PTPRM: variants seen among roughly 807,000 people sequenced by gnomAD.
PTPRM encodes the protein receptor-type tyrosine-protein phosphatase mu.
PTPRM carries 47 observed loss-of-function variants against 186.7 expected under a neutral mutation model. The ratio of observed to expected loss-of-function variants is 0.25; its 90% CI spans 0.20 to 0.32. The LOEUF is 0.32. Ranked by LOEUF, PTPRM falls within the 10% of genes least tolerant of loss-of-function variation. The pLI is 1.00. For synonymous variants in PTPRM, 668 were observed against 674.9 expected (o/e 0.99, Z 0.16); for missense variants, 1,494 against 1,865.0 (o/e 0.80, Z 3.66).
chr18:8,176,241 A>C (rs2093479479), intron 14 of PTPRM, among the ~76,000 whole-genome samples: 1 of 152,194 alleles, frequency 6.6e-6, no homozygotes, highest in African/African-American at 2.4e-5. Context: ...ACAGTTAGAC[A>C]TAATATCGAA....
rs1365364776 is a variant in PTPRM at position 7,842,928 on chromosome 18, G to GTATA, written c.197-45177_197-45176insATAT. Among the ~76,000 whole-genome samples, 56 of 62,686 alleles carry GTATA rather than the reference G, an allele frequency of 8.9e-4. No homozygotes were observed. In the East Asian group the frequency reaches 9.2e-3, roughly 10 times the overall value. The allele number at this position is 62,686 out of a possible 152,430, so 41.1% of individuals were successfully genotyped here. On this transcript the variant is annotated intron_variant, in intron 2 of 32. Transcript: ENST00000580170. ...TTCTCATATGTGTGTGTGTGTGTGT[G>GTATA]TGTATATATATATATATATAGAGAG...
chr18:8,171,876 AAGT>A (rs1390898654), intron 14 of PTPRM, among the ~76,000 whole-genome samples: 1 of 152,180 alleles, frequency 6.6e-6, no homozygotes, highest in Admixed American at 6.5e-5. Context: ...AGGTTAGCCT[AAGT>A]GTTGGGGAAA....
chr18:7,726,220 G>C (rs2040546703), intron 1 of PTPRM, among the ~76,000 whole-genome samples: 1 of 152,116 alleles, frequency 6.6e-6, no homozygotes, highest in African/African-American at 2.4e-5. Context: ...TTGTGGATTT[G>C]AGTTACATTT....
chr18:7,852,684 C>CAA (rs199834792), intron 2 of PTPRM, among the ~76,000 whole-genome samples: 3 of 150,104 alleles, frequency 2.0e-5, no homozygotes, highest in African/African-American at 4.9e-5. Context: ...GACTCCCTCT[C>CAA]AAAAATAAAA....
intron 7 of PTPRM, among the ~76,000 whole-genome samples, chr18:8,047,630 C>T (rs1049946701): frequency 1.3e-5 from 2 of 152,036 alleles, no homozygotes; most frequent in African/African-American, 4.8e-5. Flanking sequence ...TCTGAGTCAC[C>T]TGGAGAGCTT....
intron 2 of PTPRM, among the ~76,000 whole-genome samples, chr18:7,777,264 G>T (rs2042633086): frequency 6.6e-6 from 1 of 152,146 alleles, no homozygotes; most frequent in Non-Finnish European, 1.5e-5. Context: ...TGCCCTGCTG[G>T]TCAAATCCAG....
At chr18:7,992,920 G>A (rs1410155537) in intron 7 of PTPRM, among the ~76,000 whole-genome samples, 1 of 151,876 alleles carries the variant, frequency 6.6e-6, no homozygotes, top group Non-Finnish European at 1.5e-5. Flanking sequence ...GTGAATGATG[G>A]CAGTAGTAGT....
At chr18:7,786,596 T>C (rs2043107102) in intron 2 of PTPRM, among the ~76,000 whole-genome samples, 1 of 152,236 alleles carries the variant, frequency 6.6e-6, no homozygotes, top group Non-Finnish European at 1.5e-5. Context: ...ATGAGGTTTC[T>C]GGTAGTCATC....
At chr18:7,744,036 AGAC>A (rs1279109823) in intron 1 of PTPRM, among the ~76,000 whole-genome samples, 1 of 152,222 alleles carries the variant, frequency 6.6e-6, no homozygotes, top group Non-Finnish European at 1.5e-5. Flanking sequence ...TTATTTGGAC[AGAC>A]TGGGGAAAGC....
chr18:8,353,813 C>A (rs2095548669), intron 23 of PTPRM, among the ~76,000 whole-genome samples: 1 of 152,062 alleles, frequency 6.6e-6, no homozygotes, highest in Admixed American at 6.5e-5. Context: ...TATTAGCGTC[C>A]CCCTTTATTC....
intron 2 of PTPRM, among the ~76,000 whole-genome samples, chr18:7,881,628 T>C (rs2048514325): frequency 6.6e-6 from 1 of 152,144 alleles, no homozygotes; most frequent in Admixed American, 6.5e-5. Flanking sequence ...CAGAGCTTCA[T>C]TGTTGTGAGG....
intron 14 of PTPRM, among the ~76,000 whole-genome samples, chr18:8,212,624 GC>G (rs1428056852): frequency 6.6e-6 from 1 of 152,114 alleles, no homozygotes; most frequent in East Asian, 1.9e-4. Context: ...GGGTGCCATA[GC>G]GAGACCCTGT....
At chr18:7,638,818 T>C (rs967354963) in intron 1 of PTPRM, among the ~76,000 whole-genome samples, 2 of 152,242 alleles carry the variant, frequency 1.3e-5, no homozygotes, top group Non-Finnish European at 2.9e-5. Context: ...GCATTTCTTA[T>C]GGTCTTTTAG....
chr18:7,706,432 A>G (rs2040090052), intron 1 of PTPRM, among the ~76,000 whole-genome samples: 1 of 151,614 alleles, frequency 6.6e-6, no homozygotes, highest in South Asian at 2.1e-4. Context: ...CCCTACTTCT[A>G]CAAAAAAATA....
intron 14 of PTPRM, among the ~76,000 whole-genome samples, chr18:8,155,508 A>G (rs958306354): frequency 1.3e-5 from 2 of 152,246 alleles, no homozygotes; most frequent in African/African-American, 4.8e-5. Context: ...CTGAAACACT[A>G]TACCTCCATC....
rs368544477 is a variant in PTPRM at position 7,694,003 on chromosome 18, C to G, written c.74-80146C>G. Reference sequence around the variant, plus strand: ...AGCAAGCCTTGATACCTGACTACTACTCAGTAGGCCGTGGGGTGTCACAGA... The same window carrying G: ...AGCAAGCCTTGATACCTGACTACTAGTCAGTAGGCCGTGGGGTGTCACAGA... On this transcript the variant is annotated intron_variant, in intron 1 of 32. Transcript: ENST00000580170. 1.3e-3 allele frequency among the ~76,000 whole-genome samples: 199 copies of G among 152,272 alleles called. 1 individual carries two copies. Among genetic ancestry groups the G allele is most frequent in the South Asian group, 2.3e-3 (11 of 4,824 alleles).
intron 11 of PTPRM, among the ~76,000 whole-genome samples, chr18:8,091,581 G>A (rs1232264435): frequency 2.8e-5 from 4 of 143,380 alleles, no homozygotes; most frequent in Non-Finnish European, 4.6e-5. Flanking sequence ...CTCACCTGTC[G>A]AAAAGATTTT....
chr18:7,886,860 A>T (rs1422988812), intron 2 of PTPRM, among the ~76,000 whole-genome samples: 2 of 152,198 alleles, frequency 1.3e-5, no homozygotes, highest in East Asian at 3.9e-4. Context: ...TGTATTTTTC[A>T]TTTGATACTT....
intron 5 of PTPRM, 52 bp from the exon 6 acceptor site, chr18:7,949,129 C>A: frequency 6.8e-7 from 1 of 1,472,936 alleles, no homozygotes; most frequent in Non-Finnish European, 9.3e-7. Flanking sequence ...GACTGTTTTG[C>A]TCTGACAGCT....
Sources: gnomAD v4.1 joint callset for allele counts (sites outside exome capture counted in the v4.1 genomes callset) on GRCh38, gnomAD v4.1.1 for gene constraint, MANE v1.5 for transcripts, NCBI Gene and HGNC (gene_info 2026-07-23, HGNC 2026-07-21) for gene names.